PCSK5: variants seen among roughly 807,000 people sequenced by gnomAD.
PCSK5 encodes the protein prohormone convertase 5.
PCSK5 carries 129 observed loss-of-function variants against 233.2 expected under a neutral mutation model. The ratio of observed to expected loss-of-function variants is 0.55; its 90% CI spans 0.48 to 0.64. The LOEUF (loss-of-function observed/expected upper bound fraction) is 0.64, where lower values mean the gene tolerates loss of function less well. PCSK5 is among the 30% of genes least tolerant of loss of function. PCSK5 has a pLI of 0.00. For missense variants in PCSK5, 2,076 were observed against 2,430.1 expected (o/e 0.85, Z 3.06); for synonymous variants, 825 against 879.2 (o/e 0.94, Z 1.09).
chr9:75,895,684 G>T (rs1299891150), intron 1 of PCSK5, among the ~76,000 whole-genome samples: 6 of 152,158 alleles, frequency 3.9e-5, no homozygotes, highest in African/African-American at 1.2e-4. Flanking sequence ...CAAAAGGGAG[G>T]AAAAATAACC....
chr9:76,217,136 A>G (rs1386854740), intron 20 of PCSK5, among the ~76,000 whole-genome samples: 3 of 152,200 alleles, frequency 2.0e-5, no homozygotes, highest in African/African-American at 7.2e-5. Flanking sequence ...CCCAGCCATT[A>G]CTATGCACTT....
intron 12 of PCSK5, among the ~76,000 whole-genome samples, chr9:76,164,234 A>G (rs1156349551): frequency 6.6e-6 from 1 of 152,236 alleles, no homozygotes; most frequent in Non-Finnish European, 1.5e-5. Context: ...TGAATGTTTT[A>G]CATTCCAGTA....
At chr9:76,113,495 A>C (rs1482280129) in intron 9 of PCSK5, among the ~76,000 whole-genome samples, 2 of 152,136 alleles carry the variant, frequency 1.3e-5, no homozygotes, top group Non-Finnish European at 2.9e-5. Flanking sequence ...TCTTACCTAC[A>C]TGTTTCCAGC....
At chr9:76,340,996 C>T (rs910393968) in intron 35 of PCSK5, among the ~76,000 whole-genome samples, 4 of 151,446 alleles carry the variant, frequency 2.6e-5, no homozygotes, top group African/African-American at 9.7e-5. Flanking sequence ...GGGAGGATCA[C>T]TAGAGCCCAG....
intron 2 of PCSK5, among the ~76,000 whole-genome samples, chr9:75,957,463 A>G (rs1319448823): frequency 6.6e-6 from 1 of 152,172 alleles, no homozygotes; most frequent in East Asian, 1.9e-4. Flanking sequence ...CCTACACTTG[A>G]TGACTTGTGG....
At chr9:76,328,387 A>G in intron 33 of PCSK5, 148 bp downstream of exon 33, 1 of 652,502 alleles carries the variant, frequency 1.5e-6, no homozygotes, top group East Asian at 2.7e-5. Flanking sequence ...AAAAGATGCA[A>G]GAGTAAGAAC....
chr9:76,012,646 C>G (rs1313671255), intron 3 of PCSK5, among the ~76,000 whole-genome samples: 1 of 152,184 alleles, frequency 6.6e-6, no homozygotes, highest in Non-Finnish European at 1.5e-5. Flanking sequence ...ATTAGACATA[C>G]TCTTTGATTA....
intron 20 of PCSK5, among the ~76,000 whole-genome samples, chr9:76,196,255 A>G (rs542264102): frequency 1.5e-3 from 221 of 152,316 alleles, no homozygotes; most frequent in African/African-American, 4.9e-3. Context: ...ACCCACTAGT[A>G]TGTGTCTGTA....
chr9:75,891,092 C>CTG lies in PCSK5; in HGVS notation c.-90_-89insTG, dbSNP rs1218167499. On this transcript the variant is annotated 5_prime_UTR_variant, in exon 1 of 38. Coordinates refer to ENST00000674117, the MANE Select transcript of PCSK5 (RefSeq NM_001372043.1). ...AGCTGCGGCGGCCCGGGGCTGCTCG[C>CTG]CGGGCGGCGCAGGCCGGAGAAGTTA... 14 of 1,240,608 alleles carry CTG rather than the reference C, an allele frequency of 1.1e-5. No homozygotes were observed. The highest frequency in any genetic ancestry group is 1.5e-5 in the Non-Finnish European group (14 of 962,170). 76.9% of individuals were successfully genotyped at this position (1,240,608 alleles called of 1,614,324 possible).
At chr9:76,165,326 T>C (rs1823043985) in intron 12 of PCSK5, among the ~76,000 whole-genome samples, 1 of 152,206 alleles carries the variant, frequency 6.6e-6, no homozygotes, top group African/African-American at 2.4e-5. Context: ...CCATTTACAA[T>C]TTTAGAAATA....
intron 16 of PCSK5, among the ~76,000 whole-genome samples, chr9:76,182,590 A>AT (rs1185837210): frequency 2.6e-5 from 4 of 151,750 alleles, no homozygotes; most frequent in African/African-American, 9.7e-5. Flanking sequence ...GTGTACCTTA[A>AT]CACAGAGTTT....
intron 35 of PCSK5, among the ~76,000 whole-genome samples, chr9:76,348,225 A>G (rs1564194671): frequency 6.6e-6 from 1 of 152,240 alleles, no homozygotes; most frequent in Non-Finnish European, 1.5e-5. Context: ...CCTAGCCAAC[A>G]TGGTGAAACC....
intron 3 of PCSK5, among the ~76,000 whole-genome samples, chr9:75,994,400 CT>C (rs550518074): frequency 3.7e-5 from 3 of 82,064 alleles, no homozygotes; most frequent in Non-Finnish European, 6.4e-5. Flanking sequence ...TTCTTTCTTT[CT>C]TTTTTTTTTT....
intron 2 of PCSK5, among the ~76,000 whole-genome samples, chr9:75,960,804 C>A (rs902269949): frequency 6.6e-6 from 1 of 152,160 alleles, no homozygotes; most frequent in Non-Finnish European, 1.5e-5. Flanking sequence ...AAATTATACT[C>A]TTCCAGAATT....
At chr9:76,105,470 T>A (rs181668545) in intron 8 of PCSK5, among the ~76,000 whole-genome samples, 1 of 152,350 alleles carries the variant, frequency 6.6e-6, no homozygotes, top group African/African-American at 2.4e-5. Context: ...TGTACATATA[T>A]GGTTAGCAAC....
chr9:75,954,705 C>A (rs1825016035), intron 2 of PCSK5, among the ~76,000 whole-genome samples: 1 of 152,112 alleles, frequency 6.6e-6, no homozygotes, highest in African/African-American at 2.4e-5. Flanking sequence ...TACACACATA[C>A]CCCGTGGAAG....
chr9:76,110,081 C>T (rs558267932), intron 9 of PCSK5, among the ~76,000 whole-genome samples: 2 of 152,140 alleles, frequency 1.3e-5, no homozygotes, highest in Non-Finnish European at 2.9e-5. Context: ...AGCCCTTGAA[C>T]CTTGGTATTT....
At chr9:76,224,656 T>TA (rs1191383680) in intron 20 of PCSK5, among the ~76,000 whole-genome samples, 2 of 152,200 alleles carry the variant, frequency 1.3e-5, no homozygotes, top group African/African-American at 4.8e-5. Flanking sequence ...AGGATGTATT[T>TA]AAAATCTTGG....
upstream of PCSK5, among the ~76,000 whole-genome samples, chr9:75,890,271 A>T (rs183670582): frequency 1.3e-5 from 2 of 152,260 alleles, no homozygotes; most frequent in African/African-American, 4.8e-5. Context: ...TTGTTCGGCA[A>T]TTGACACGTA....
Sources: allele counts gnomAD v4.1 joint callset (sites outside exome capture counted in the v4.1 genomes callset), GRCh38; gene constraint gnomAD v4.1.1; transcripts MANE v1.5; gene names NCBI Gene and HGNC (gene_info 2026-07-23, HGNC 2026-07-21).